TGFBI: variants seen among roughly 807,000 people sequenced by gnomAD.
TGFBI encodes the protein transforming growth factor-beta-induced protein ig-h3.
TGFBI carries 50 observed loss-of-function variants against 73.7 expected under a neutral mutation model. The observed-to-expected ratio is 0.68, with a 90% CI of 0.54 to 0.86. The LOEUF is 0.86. Ranked by LOEUF, TGFBI falls within the 40% of genes least tolerant of loss-of-function variation. TGFBI has a pLI of 0.00. For synonymous variants in TGFBI, 362 were observed against 360.5 expected, an observed-to-expected ratio of 1.00 and a Z score of -0.05; for missense variants, 839 against 877.0, an observed-to-expected ratio of 0.96 and a Z score of 0.55.
intron 13 of TGFBI, 34 bp from the exon 14 acceptor site, chr5:136,060,800 T>A (rs1453246721): frequency 6.9e-7 from 1 of 1,456,192 alleles, no homozygotes; most frequent in Admixed American, 1.8e-5. Flanking sequence ...AAATAAATGC[T>A]CTACTTTCAA....
chr5:136,048,522 G>A (rs980389153), intron 6 of TGFBI: 2 of 152,274 alleles, frequency 1.3e-5, no homozygotes, highest in African/African-American at 4.8e-5. Flanking sequence ...TCTATCTGGA[G>A]AGAGACAACA....
intron 1 of TGFBI, among the ~76,000 whole-genome samples, chr5:136,031,203 C>T (rs536362585): frequency 4.6e-5 from 7 of 152,320 alleles, no homozygotes; most frequent in African/African-American, 1.2e-4. Flanking sequence ...AAAATGGTTG[C>T]AGGCACAGTT....
chr5:136,045,496 G>A (rs1751412065), intron 3 of TGFBI, among the ~76,000 whole-genome samples: 1 of 152,160 alleles, frequency 6.6e-6, no homozygotes, highest in Admixed American at 6.5e-5. Context: ...AGTGAGCTGA[G>A]ATAGGGCCGT....
intron 2 of TGFBI, among the ~76,000 whole-genome samples, chr5:136,043,260 A>T (rs1751370927): frequency 1.3e-5 from 2 of 152,086 alleles, no homozygotes; most frequent in South Asian, 4.2e-4. Flanking sequence ...TATTATTTGA[A>T]ATTCTCAGTG....
At chr5:136,054,550 CA>C in intron 9 of TGFBI, 165 bp from the exon 10 acceptor site, 3 of 970,444 alleles carry the variant, frequency 3.1e-6, no homozygotes, top group Non-Finnish European at 5.0e-6. Context: ...TTTAATTCTC[CA>C]TAGAAGATAC....
chr5:136,056,865 C>G lies in TGFBI; in HGVS notation c.1678+70C>G, dbSNP rs1751644404. The G allele has an allele frequency of 4.0e-6, 6 of 1,511,158 alleles. No individual in the cohort carries two copies. The South Asian group carries it at 6.1e-5, about 15-fold the overall frequency. The allele number at this position is 1,511,158 out of a possible 1,614,324, so 93.6% of individuals were successfully genotyped here. A position where few individuals can be genotyped will look rare whatever the true frequency, so the allele number is the denominator to read the frequency against. ...GATCCCTCAGGGCCCCAGCAGCAAACAGTTGGCACATCAAGGATTGACTTG... is the reference window on the plus strand; with the variant it reads ...GATCCCTCAGGGCCCCAGCAGCAAAGAGTTGGCACATCAAGGATTGACTTG... On this transcript the variant is annotated intron_variant, in intron 12 of 16. Coordinates refer to ENST00000442011, the MANE Select transcript of TGFBI (RefSeq NM_000358.3).
At chr5:136,058,052 AG>A (rs373354584) in intron 12 of TGFBI, among the ~76,000 whole-genome samples, 28 of 152,192 alleles carry the variant, frequency 1.8e-4, no homozygotes, top group African/African-American at 6.7e-4. Context: ...AGAGTGTTAG[AG>A]GTTGGTACAG....
At chr5:136,044,326 C>T (rs760525090) in intron 3 of TGFBI, among the ~76,000 whole-genome samples, 2 of 152,254 alleles carry the variant, frequency 1.3e-5, no homozygotes, top group Non-Finnish European at 2.9e-5. Flanking sequence ...CTGAGCTGCT[C>T]CTCCTGGCCT....
intron 2 of TGFBI, among the ~76,000 whole-genome samples, chr5:136,040,780 T>TG (rs1275307345): frequency 1.3e-5 from 2 of 152,220 alleles, no homozygotes; most frequent in East Asian, 1.9e-4. Context: ...GCCTAGGAAC[T>TG]GGGGGGCTAT....
chr5:136,036,786 G>C (rs1469152891), intron 2 of TGFBI, among the ~76,000 whole-genome samples: 1 of 152,158 alleles, frequency 6.6e-6, no homozygotes, highest in Admixed American at 6.5e-5. Context: ...CTCTGCATGA[G>C]GTCCATAGGC....
chr5:136,047,934 A>G (rs1169977789), intron 6 of TGFBI: 1 of 152,946 alleles, frequency 6.5e-6, no homozygotes, highest in African/African-American at 2.4e-5. Context: ...CCGCAGGAAT[A>G]CGGTTCCTTC....
chr5:136,042,816 A>G (rs769619155), intron 2 of TGFBI, among the ~76,000 whole-genome samples: 8 of 152,174 alleles, frequency 5.3e-5, no homozygotes, highest in Admixed American at 1.3e-4. Context: ...GAACAGATGA[A>G]TCAGGCTTCA....
intron 1 of TGFBI, 103 bp downstream of exon 1, chr5:136,029,292 AAGC>A: frequency 7.8e-7 from 1 of 1,286,396 alleles, no homozygotes; most frequent in Non-Finnish European, 1.0e-6. Flanking sequence ...GCAGGGGACA[AAGC>A]CCGAACTAAA....
In TGFBI at chr5:136,049,566, C is replaced by A; in HGVS notation, c.899C>A (p.Pro300Gln). 1 of 1,613,680 alleles carries A rather than the reference C, an allele frequency of 6.2e-7. No individual in the cohort carries two copies. The highest frequency in any genetic ancestry group is 8.5e-7 in the Non-Finnish European group (1 of 1,179,776). ...SETLNRILGD[P>Q]EALRDLLNNH... The stretch of plus-strand genomic sequence containing the variant: ...ACTTTGAACCGTATCCTGGGCGACC[C>A]AGAAGCCCTGAGAGGTGAGCATCCT... The change falls in exon 7 of 17, where the codon CCA becomes CAA. Residue 300 changes from proline to glutamine, a missense_variant. By Grantham distance (76) the Pro-to-Gln change is moderately conservative. Coordinates refer to ENST00000442011, the MANE Select transcript of TGFBI (RefSeq NM_000358.3).
At chr5:136,055,841 A>G (rs1371212957) in intron 11 of TGFBI, 25 bp downstream of exon 11, 2 of 1,582,680 alleles carry the variant, frequency 1.3e-6, no homozygotes, top group Admixed American at 3.4e-5. Context: ...CCCCGGGTGG[A>G]GCTTCTGCCC....
At position 136,055,673 on chromosome 5, in the gene TGFBI, T is replaced by G. The variant is rs1751615908; in HGVS notation, c.1411-7T>G. On this transcript the variant is annotated splice_region_variant and splice_polypyrimidine_tract_variant and intron_variant, in intron 10 of 16. Transcript: ENST00000442011. ...GTCCTTTCTTTCTCTGTCCCTCTTC[T>G]GTGCAGAGCCTCTGCATTGAGAACA... The G allele has an allele frequency of 1.9e-6, 3 of 1,584,726 alleles. No homozygotes were observed. Among genetic ancestry groups the G allele is most frequent in the Non-Finnish European group, 2.6e-6 (3 of 1,158,474 alleles).
At chr5:136,032,361 C>T (rs903348487) in intron 1 of TGFBI, among the ~76,000 whole-genome samples, 3 of 152,260 alleles carry the variant, frequency 2.0e-5, no homozygotes, top group East Asian at 1.9e-4. Context: ...GTCATATCAC[C>T]GCAGAAGAGA....
Position 136,047,264 on chromosome 5 carries a change from C to A in TGFBI, c.625-10C>A. The A allele has an allele frequency of 6.2e-7, 1 of 1,613,626 alleles. No homozygotes were observed. The highest frequency in any genetic ancestry group is 1.3e-5 in the African/African-American group (1 of 75,004). ...TGTTGACTGCTCATCCTTGCTGCTTCTCTGGGCAGATTGTAACTGTGAACT... is the reference window on the plus strand; with the variant it reads ...TGTTGACTGCTCATCCTTGCTGCTTATCTGGGCAGATTGTAACTGTGAACT... On this transcript the variant is annotated splice_polypyrimidine_tract_variant and intron_variant, in intron 5 of 16. Transcript: ENST00000442011.
At chr5:136,049,981 G>C (rs527545993) in intron 7 of TGFBI, among the ~76,000 whole-genome samples, 8 of 152,304 alleles carry the variant, frequency 5.3e-5, no homozygotes, top group African/African-American at 1.7e-4. Flanking sequence ...TCATGCCCAC[G>C]CTTCACTATT....
Sources: gnomAD v4.1 joint callset for allele counts (sites outside exome capture counted in the v4.1 genomes callset) on GRCh38, gnomAD v4.1.1 for gene constraint, MANE v1.5 for transcripts, NCBI Gene and HGNC (gene_info 2026-07-23, HGNC 2026-07-21) for gene names.